Variants in MACROD2 observed in about 807,000 individuals in gnomAD.
MACROD2 encodes ADP-ribose glycohydrolase MACROD2.
In MACROD2, 36 loss-of-function variants were observed where a neutral mutation model predicts 70.4. The observed-to-expected ratio is 0.51, with a 90% CI of 0.39 to 0.68. MACROD2 has a LOEUF of 0.68. MACROD2 is among the 30% of genes least tolerant of loss of function. MACROD2 has a pLI of 0.00. For missense variants in MACROD2, 496 were observed against 538.4 expected (o/e 0.92, Z 0.78); for synonymous variants, 172 against 178.8 (o/e 0.96, Z 0.30).
chr20:14,529,198 T>C lies in MACROD2; in HGVS notation c.301+35690T>C, dbSNP rs552780123. Among the ~76,000 whole-genome samples the C allele has an allele frequency of 6.6e-5, 10 of 152,338 alleles. No individual in the cohort carries two copies. In the East Asian group the frequency reaches 1.9e-3, roughly 29 times the overall value. ...AAAAGCCATCATGCTAGTTTTAGGC[T>C]TCAAGTAACAAGAAACCCAAAAGAT... is the stretch of plus-strand genomic sequence containing the variant. On this transcript the variant is annotated intron_variant, in intron 4 of 17. Coordinates refer to ENST00000684519, the MANE Select transcript of MACROD2 (RefSeq NM_001351661.2).
chr20:14,056,177 G>T (rs1211827728), intron 2 of MACROD2, among the ~76,000 whole-genome samples: 1 of 151,758 alleles, frequency 6.6e-6, no homozygotes, highest in African/African-American at 2.4e-5. Flanking sequence ...TGTCTGTTTT[G>T]TTCAGTTTAA....
At chr20:15,045,204 C>T (rs1026311994) in intron 5 of MACROD2, among the ~76,000 whole-genome samples, 3 of 152,090 alleles carry the variant, frequency 2.0e-5, no homozygotes, top group South Asian at 2.1e-4. Context: ...TCATCATGGC[C>T]GTCACCCTGC....
intron 7 of MACROD2, among the ~76,000 whole-genome samples, chr20:15,466,567 CA>C (rs750005631): frequency 3.1e-4 from 47 of 152,314 alleles, no homozygotes; most frequent in Admixed American, 9.2e-4. Flanking sequence ...TCACTGGAAC[CA>C]GTGGTCTCAT....
At chr20:14,996,179 A>G (rs2122883773) in intron 5 of MACROD2, among the ~76,000 whole-genome samples, 1 of 152,292 alleles carries the variant, frequency 6.6e-6, no homozygotes, top group East Asian at 1.9e-4. Flanking sequence ...ACTACTAAAT[A>G]TCAACATCTA....
At chr20:15,446,611 G>C (rs779611838) in intron 7 of MACROD2, among the ~76,000 whole-genome samples, 5 of 152,158 alleles carry the variant, frequency 3.3e-5, no homozygotes, top group Non-Finnish European at 5.9e-5. Context: ...AACCAAACTT[G>C]CGAACGCCAG....
At chr20:15,452,478 A>G (rs2046656897) in intron 7 of MACROD2, among the ~76,000 whole-genome samples, 1 of 152,180 alleles carries the variant, frequency 6.6e-6, no homozygotes, top group African/African-American at 2.4e-5. Context: ...TTTTTAAAAG[A>G]CAAATGCTTA....
intron 4 of MACROD2, among the ~76,000 whole-genome samples, chr20:14,683,999 A>G (rs992679803): frequency 6.6e-6 from 1 of 152,148 alleles, no homozygotes; most frequent in African/African-American, 2.4e-5. Context: ...TTTAATTTCC[A>G]GCGACATCAA....
At chr20:14,619,849 A>G (rs1040019882) in intron 4 of MACROD2, among the ~76,000 whole-genome samples, 1 of 152,082 alleles carries the variant, frequency 6.6e-6, no homozygotes. Context: ...TGATTCCACT[A>G]TTGATTAGAT....
chr20:16,019,926 G>A (rs1033911027), intron 15 of MACROD2, among the ~76,000 whole-genome samples: 3 of 152,208 alleles, frequency 2.0e-5, no homozygotes, highest in Admixed American at 6.5e-5. Flanking sequence ...GTTGTTGGTT[G>A]CTGCTCAGTC....
At chr20:14,070,679 T>C (rs4814278) in intron 2 of MACROD2, among the ~76,000 whole-genome samples, 42,723 of 151,932 alleles carry the variant, frequency 0.28, 6,426 homozygotes, top group African/African-American at 0.37. Flanking sequence ...TTTCAGGCAT[T>C]CTCAAAAGGG....
chr20:14,107,686 C>G (rs2054388646), intron 3 of MACROD2, among the ~76,000 whole-genome samples: 1 of 109,576 alleles, frequency 9.1e-6, no homozygotes, highest in Admixed American at 9.1e-5. Flanking sequence ...CATCTGGCAG[C>G]ACCTCTTTCA....
intron 5 of MACROD2, among the ~76,000 whole-genome samples, chr20:14,833,622 T>C (rs2072995939): frequency 6.6e-6 from 1 of 152,126 alleles, no homozygotes; most frequent in African/African-American, 2.4e-5. Flanking sequence ...TAGCTTTTTT[T>C]CCTCTCTTTT....
In MACROD2 at chr20:15,233,969, T is replaced by TATATATATATA. The variant is rs1568657296; in HGVS notation, c.540+3908_540+3909insATATATATATA. 1.9e-3 allele frequency among the ~76,000 whole-genome samples: 104 copies of TATATATATATA among 56,064 alleles called. 8 individuals are homozygous for TATATATATATA. The highest frequency in any genetic ancestry group is 2.5e-3 in the Non-Finnish European group (73 of 28,958). 36.8% of individuals were successfully genotyped at this position (56,064 alleles called of 152,430 possible). On this transcript the variant is annotated intron_variant, in intron 6 of 17. Transcript: ENST00000684519. ...ACCCTTGGATCCAAAAAATTTATTT[T>TATATATATATA]TATATATATTTATTTATATATATAT... is the stretch of plus-strand genomic sequence containing the variant.
chr20:14,663,192 G>A (rs1291556676), intron 4 of MACROD2, among the ~76,000 whole-genome samples: 2 of 151,970 alleles, frequency 1.3e-5, no homozygotes, highest in Non-Finnish European at 2.9e-5. Context: ...GACAGGGATG[G>A]AGGTGGAAGC....
At chr20:15,611,081 A>G (rs1322688488) in intron 8 of MACROD2, among the ~76,000 whole-genome samples, 4 of 128,060 alleles carry the variant, frequency 3.1e-5, no homozygotes, top group African/African-American at 9.1e-5. Flanking sequence ...CATGATTGCT[A>G]TTTTGCAATC....
intron 3 of MACROD2, among the ~76,000 whole-genome samples, chr20:14,100,605 T>C (rs981640780): frequency 6.9e-6 from 1 of 144,384 alleles, no homozygotes; most frequent in Non-Finnish European, 1.5e-5. Context: ...ACTTTAAATA[T>C]TATATATAGT....
intron 4 of MACROD2, among the ~76,000 whole-genome samples, chr20:14,641,636 C>T (rs189734836): frequency 4.6e-5 from 7 of 152,256 alleles, no homozygotes; most frequent in Non-Finnish European, 7.4e-5. Context: ...ACAACATTAA[C>T]GTCTTTGTAC....
At chr20:15,737,967 G>A (rs1197134873) in intron 8 of MACROD2, among the ~76,000 whole-genome samples, 1 of 152,010 alleles carries the variant, frequency 6.6e-6, no homozygotes, top group African/African-American at 2.4e-5. Flanking sequence ...TAGACAGACA[G>A]GTAAATATAT....
At chr20:15,602,625 C>T (rs1324617981) in intron 8 of MACROD2, among the ~76,000 whole-genome samples, 2 of 152,142 alleles carry the variant, frequency 1.3e-5, no homozygotes, top group Non-Finnish European at 2.9e-5. Flanking sequence ...CTCTTTCCCT[C>T]CAAAAACATC....
Sources: gnomAD v4.1 joint callset for allele counts (sites outside exome capture counted in the v4.1 genomes callset) on GRCh38, gnomAD v4.1.1 for gene constraint, MANE v1.5 for transcripts, NCBI Gene and HGNC (gene_info 2026-07-23, HGNC 2026-07-21) for gene names.